The following UTRN variants were observed in gnomAD, a reference collection of about 807,000 sequenced individuals.
The protein encoded by UTRN is utrophin, also known as dystrophin-related protein 1.
In UTRN, 283 loss-of-function variants were observed where a neutral mutation model predicts 463.9. The observed-to-expected ratio is 0.61, with a 90% CI of 0.55 to 0.67. UTRN has a LOEUF of 0.67. UTRN is among the 30% of genes least tolerant of loss of function. The probability of loss-of-function intolerance (pLI) is 0.00; values close to 1 mark genes in which losing one functional copy is unlikely to be tolerated. For missense variants in UTRN, 3,922 were observed against 4,084.3 expected, an observed-to-expected ratio of 0.96 and a Z score of 1.08; for synonymous variants, 1,442 against 1,431.5, an observed-to-expected ratio of 1.01 and a Z score of -0.17.
chr6:144,551,162 CACACACAA>C (rs1048650041), intron 48 of UTRN, 80 bp downstream of exon 48: 54 of 811,030 alleles, frequency 6.7e-5, no homozygotes, highest in South Asian at 1.9e-4. Flanking sequence ...CACACACACA[CACACACAA>C]ACACATTTTC....
intron 2 of UTRN, among the ~76,000 whole-genome samples, chr6:144,356,898 T>C (rs1043655477): frequency 2.7e-5 from 4 of 149,750 alleles, no homozygotes; most frequent in Middle Eastern, 3.4e-3. Flanking sequence ...TGTGTATATA[T>C]ACACACACAC....
chr6:144,514,263 C>G (rs1362601174), intron 36 of UTRN, among the ~76,000 whole-genome samples: 1 of 152,174 alleles, frequency 6.6e-6, no homozygotes, highest in African/African-American at 2.4e-5. Context: ...GGAGTAAGAC[C>G]TATTCACATA....
At chr6:144,592,877 C>T (rs1803247604) in intron 51 of UTRN, among the ~76,000 whole-genome samples, 1 of 152,160 alleles carries the variant, frequency 6.6e-6, no homozygotes, top group South Asian at 2.1e-4. Context: ...GAATGATTTA[C>T]CTGTGTGGGA....
At chr6:144,313,664 T>C (rs891335083) in intron 2 of UTRN, among the ~76,000 whole-genome samples, 1 of 152,218 alleles carries the variant, frequency 6.6e-6, no homozygotes, top group Non-Finnish European at 1.5e-5. Context: ...CACCCTTGCT[T>C]GGGAAAGAGC....
intron 58 of UTRN, among the ~76,000 whole-genome samples, chr6:144,767,260 T>G (rs893458318): frequency 6.6e-6 from 1 of 152,070 alleles, no homozygotes; most frequent in African/African-American, 2.4e-5. Flanking sequence ...TCTCCAGTTG[T>G]TTTTATCCAC....
chr6:144,768,941 G>GTTTTTTTTTTTTTTTTTTTTTTT (rs1204880630), intron 58 of UTRN, among the ~76,000 whole-genome samples: 1 of 96,918 alleles, frequency 1.0e-5, no homozygotes, highest in African/African-American at 5.2e-5. Context: ...TTGCTACTTT[G>GTTTTTTTTTTTTTTTTTTTTTTT]TTTTTTGTTT....
intron 58 of UTRN, among the ~76,000 whole-genome samples, chr6:144,759,918 AAATT>A (rs1434556131): frequency 4.6e-5 from 7 of 152,186 alleles, no homozygotes; most frequent in Non-Finnish European, 8.8e-5. Context: ...AAATTAATTG[AAATT>A]AATTAATTTA....
intron 51 of UTRN, among the ~76,000 whole-genome samples, chr6:144,587,690 G>T (rs1432038836): frequency 1.3e-5 from 2 of 152,052 alleles, no homozygotes; most frequent in Non-Finnish European, 2.9e-5. Flanking sequence ...GGAGAACCCT[G>T]CTCTCCTTGG....
At chr6:144,628,853 C>T (rs1437321151) in intron 51 of UTRN, among the ~76,000 whole-genome samples, 1 of 152,140 alleles carries the variant, frequency 6.6e-6, no homozygotes, top group Non-Finnish European at 1.5e-5. Flanking sequence ...CAGAGTTAAA[C>T]TGCCCGGGCA....
At chr6:144,697,687 C>A (rs2128696210) in intron 52 of UTRN, among the ~76,000 whole-genome samples, 1 of 152,204 alleles carries the variant, frequency 6.6e-6, no homozygotes, top group East Asian at 1.9e-4. Context: ...CCAATGTTTT[C>A]TTTTTGATTT....
rs922381538 is a variant in UTRN at position 144,514,666 on chromosome 6, T to G, written c.5090T>G (p.Leu1697Arg). Residue 1697 changes from leucine (L) to arginine (R), a missense_variant, in exon 37 of 75, where the codon CTG becomes CGG. Leu to Arg is a moderately radical substitution (Grantham distance 102). Coordinates refer to ENST00000367545, the MANE Select transcript of UTRN (RefSeq NM_007124.3). Reference sequence around the variant, plus strand: ...TATAATTAGCGTTTAGTATCTGAGCTGGATGATGCCAACCTCCAGGTTGAA... The same window carrying G: ...TATAATTAGCGTTTAGTATCTGAGCGGGATGATGCCAACCTCCAGGTTGAA... ...EEIVKRLVSE[L>R]DDANLQVENV... 1.2e-6 allele frequency: 2 copies of G among 1,613,860 alleles called. No individual in the cohort carries two copies. The highest frequency in any genetic ancestry group is 2.7e-5 in the African/African-American group (2 of 74,916).
chr6:144,645,513 C>A (rs951970915), intron 51 of UTRN, among the ~76,000 whole-genome samples: 5 of 152,040 alleles, frequency 3.3e-5, no homozygotes, highest in Non-Finnish European at 7.4e-5. Flanking sequence ...ATAGGATTCA[C>A]GTCATAAAAC....
chr6:144,554,150 T>C (rs983610820), intron 48 of UTRN, among the ~76,000 whole-genome samples: 5 of 152,314 alleles, frequency 3.3e-5, no homozygotes, highest in Admixed American at 3.3e-4. Context: ...AGCATTTCTC[T>C]TGAACTTGAA....
At chr6:144,827,519 C>T in intron 67 of UTRN, 92 bp from the exon 68 acceptor site, 1 of 1,592,422 alleles carries the variant, frequency 6.3e-7, no homozygotes. Context: ...GTTTGCATGG[C>T]AGATTCATTA....
intron 54 of UTRN, among the ~76,000 whole-genome samples, chr6:144,741,669 G>A (rs1007007896): frequency 2.2e-4 from 33 of 152,138 alleles, no homozygotes; most frequent in African/African-American, 8.0e-4. Context: ...GCCACTACTT[G>A]GAGGAAATTC....
intron 53 of UTRN, among the ~76,000 whole-genome samples, chr6:144,707,494 T>A (rs1785214518): frequency 6.6e-6 from 1 of 152,188 alleles, no homozygotes; most frequent in African/African-American, 2.4e-5. Flanking sequence ...CTCACTGGAC[T>A]CAGTGAGGCT....
intron 2 of UTRN, among the ~76,000 whole-genome samples, chr6:144,302,305 G>A (rs1466894073): frequency 2.0e-5 from 3 of 152,114 alleles, no homozygotes; most frequent in East Asian, 3.9e-4. Context: ...GAGGTCAGGA[G>A]TTCGAGACCA....
At chr6:144,577,891 C>G (rs1801593787) in intron 51 of UTRN, among the ~76,000 whole-genome samples, 1 of 152,134 alleles carries the variant, frequency 6.6e-6, no homozygotes, top group African/African-American at 2.4e-5. Context: ...CTTCAGTACT[C>G]TTGAACCTTC....
Position 144,846,844 on chromosome 6 carries a change from TG to T in UTRN, c.10293+19del. ...AGGCCACAGGTAAGAGTTAATGGCTTGGTTGGCTCTATGTTACTGATCCCAA... is the reference window on the plus strand; with the variant it reads ...AGGCCACAGGTAAGAGTTAATGGCTTGTTGGCTCTATGTTACTGATCCCAA... On this transcript the variant is annotated intron_variant, in intron 74 of 74. Transcript: ENST00000367545. 6.2e-7 allele frequency: 1 copy of T among 1,614,022 alleles called. No individual in the cohort carries two copies. The highest frequency in any genetic ancestry group is 8.5e-7 in the Non-Finnish European group (1 of 1,179,904).
Sources: gnomAD v4.1 joint callset for allele counts (sites outside exome capture counted in the v4.1 genomes callset) on GRCh38, gnomAD v4.1.1 for gene constraint, MANE v1.5 for transcripts, NCBI Gene and HGNC (gene_info 2026-07-23, HGNC 2026-07-21) for gene names.